The following TDRD12 variants were observed in gnomAD, a reference collection of about 807,000 sequenced individuals.
TDRD12 encodes the protein putative ATP-dependent RNA helicase TDRD12.
In TDRD12, 158 loss-of-function variants were observed where a neutral mutation model predicts 133.5. The ratio of observed to expected loss-of-function variants is 1.18; its 90% CI spans 1.04 to 1.35. The LOEUF (loss-of-function observed/expected upper bound fraction) is 1.35. Ranked by LOEUF, TDRD12 falls within the 40% of genes most tolerant of loss-of-function variation. The pLI, the probability that TDRD12 is intolerant of heterozygous loss-of-function variation, is 0.00. For synonymous variants in TDRD12, 460 were observed against 477.9 expected, an observed-to-expected ratio of 0.96 and a Z score of 0.49; for missense variants, 1,443 against 1,321.3, an observed-to-expected ratio of 1.09 and a Z score of -1.43.
At chr19:32,810,108 A>G in exon 23 of TDRD12, 4 of 1,521,632 alleles carry the variant, frequency 2.6e-6, no homozygotes, top group Non-Finnish European at 3.5e-6. Context: ...ACCTTTTTAT[A>G]TTTTGAATGC....
intron 11 of TDRD12, among the ~76,000 whole-genome samples, chr19:32,789,463 G>A (rs1360163708): frequency 2.0e-5 from 3 of 152,158 alleles, no homozygotes; most frequent in Non-Finnish European, 2.9e-5. Flanking sequence ...CCAGCTGTCT[G>A]CTTTCAGTCT....
At chr19:32,820,866 A>G (rs753607346) in intron 27 of TDRD12, 167 bp from the exon 28 acceptor site, 18 of 591,310 alleles carry the variant, frequency 3.0e-5, no homozygotes, top group Non-Finnish European at 4.8e-5. Context: ...CCTTGTCGGA[A>G]GGAACAGAGT....
chr19:32,756,903 C>T lies in TDRD12; in HGVS notation c.773-135C>T, dbSNP rs189413948. The T allele has an allele frequency of 3.3e-5, 22 of 661,012 alleles. No individual in the cohort carries two copies. The East Asian group carries it at 4.7e-4, about 14-fold the overall frequency. 40.9% of individuals were successfully genotyped at this position (661,012 alleles called of 1,614,324 possible). On this transcript the variant is annotated intron_variant, in intron 7 of 27. Coordinates refer to ENST00000444215, the Ensembl canonical transcript of TDRD12. ...GTCCACATCCAGTTTTTAGTCCCCTCACCTTGTGTCCCCTAGTCAGGTTTC... is the reference window on the plus strand; with the variant it reads ...GTCCACATCCAGTTTTTAGTCCCCTTACCTTGTGTCCCCTAGTCAGGTTTC...
At chr19:32,815,528 GGGCATT>G (rs1967148752) in exon 26 of TDRD12, 36 of 1,536,238 alleles carry the variant, frequency 2.3e-5, no homozygotes, top group Non-Finnish European at 3.1e-5. Flanking sequence ...CCATGGGCAT[GGGCATT>G]GATAATCCAG....
At chr19:32,790,551 C>G (rs1971038790) in exon 12 of TDRD12, 1 of 1,551,780 alleles carries the variant, frequency 6.4e-7, no homozygotes, top group African/African-American at 1.4e-5. Flanking sequence ...TTTTTAAATC[C>G]TGATCCTTTG....
intron 11 of TDRD12, among the ~76,000 whole-genome samples, chr19:32,783,404 T>G (rs1397467127): frequency 6.6e-6 from 1 of 152,202 alleles, no homozygotes; most frequent in Non-Finnish European, 1.5e-5. Context: ...GCGTGATGCC[T>G]CCAGCTTTGT....
At chr19:32,803,595 G>A (rs1971461287) in intron 21 of TDRD12, among the ~76,000 whole-genome samples, 1 of 152,202 alleles carries the variant, frequency 6.6e-6, no homozygotes, top group African/African-American at 2.4e-5. Context: ...TTGTGGAAAT[G>A]TGTACGCATT....
At chr19:32,751,730 C>T (rs939359285) in intron 6 of TDRD12, among the ~76,000 whole-genome samples, 1 of 152,154 alleles carries the variant, frequency 6.6e-6, no homozygotes, top group African/African-American at 2.4e-5. Flanking sequence ...TAGGTGGGCA[C>T]CACCATGCCC....
intron 8 of TDRD12, among the ~76,000 whole-genome samples, chr19:32,768,511 C>T (rs1431332036): frequency 2.6e-5 from 4 of 151,786 alleles, no homozygotes; most frequent in Admixed American, 6.6e-5. Flanking sequence ...GGACTAGGCT[C>T]ACACCACCAT....
chr19:32,811,263 T>A (rs1244304869), exon 24 of TDRD12: 3 of 1,535,968 alleles, frequency 2.0e-6, no homozygotes, highest in Non-Finnish European at 2.6e-6. Context: ...CTGGATGACA[T>A]CCTTGTAGAG....
At chr19:32,725,740 A>G (rs1423004994) in intron 1 of TDRD12, among the ~76,000 whole-genome samples, 3 of 151,986 alleles carry the variant, frequency 2.0e-5, no homozygotes, top group African/African-American at 7.3e-5. Context: ...AGTTTTTTCT[A>G]TTTCTGTGAA....
exon 26 of TDRD12, chr19:32,815,454 A>C: frequency 6.5e-7 from 1 of 1,534,586 alleles, no homozygotes; most frequent in Non-Finnish European, 8.7e-7. Flanking sequence ...CAAGGTGCAC[A>C]TTACAAACCT....
At chr19:32,724,687 G>A (rs917493435) in intron 1 of TDRD12, among the ~76,000 whole-genome samples, 8 of 152,054 alleles carry the variant, frequency 5.3e-5, no homozygotes, top group African/African-American at 1.9e-4. Context: ...GTGAACATAC[G>A]CATGTATGTC....
intron 24 of TDRD12, 80 bp downstream of exon 24, chr19:32,811,500 C>G: frequency 2.3e-6 from 3 of 1,321,084 alleles, no homozygotes; most frequent in Non-Finnish European, 1.0e-6. Context: ...TGAGGCCTGT[C>G]TGGATTTACA....
At chr19:32,722,954 A>G (rs1324844814) in intron 1 of TDRD12, among the ~76,000 whole-genome samples, 1 of 152,112 alleles carries the variant, frequency 6.6e-6, no homozygotes, top group Non-Finnish European at 1.5e-5. Flanking sequence ...TGCTGGGATT[A>G]CAGGCAAGAA....
chr19:32,731,952 A>G (rs890346630), intron 2 of TDRD12, 69 bp downstream of exon 2: 1 of 1,406,932 alleles, frequency 7.1e-7, no homozygotes, highest in African/African-American at 1.5e-5. Flanking sequence ...TATTTTGGCA[A>G]CGATGATGAT....
In TDRD12 at chr19:32,816,113, C is replaced by G. The variant is rs189637932; in HGVS notation, c.3314+493C>G. Among the ~76,000 whole-genome samples the G allele has an allele frequency of 3.9e-5, 6 of 152,252 alleles. No homozygotes were observed. In the East Asian group the frequency reaches 1.2e-3, roughly 29 times the overall value. On this transcript the variant is annotated intron_variant, in intron 26 of 27. Transcript: ENST00000444215. ...TTATCTATACCCCAGCCCACACTTG[C>G]TTTTGTTGGAGTATTATAAAGCAGA...
At chr19:32,723,113 A>G (rs1242808566) in intron 1 of TDRD12, among the ~76,000 whole-genome samples, 1 of 152,252 alleles carries the variant, frequency 6.6e-6, no homozygotes, top group East Asian at 1.9e-4. Flanking sequence ...TAACTGTTCC[A>G]ACATCATTTG....
At chr19:32,780,778 T>G (rs1299747051) in intron 11 of TDRD12, among the ~76,000 whole-genome samples, 1 of 139,272 alleles carries the variant, frequency 7.2e-6, no homozygotes, top group African/African-American at 2.8e-5. Context: ...AATTATCTTG[T>G]TTTTTTCTTT....
Sources: allele counts gnomAD v4.1 joint callset (sites outside exome capture counted in the v4.1 genomes callset), GRCh38; gene constraint gnomAD v4.1.1; transcripts MANE v1.5; gene names NCBI Gene and HGNC (gene_info 2026-07-23, HGNC 2026-07-21).